Variants in PRR16 observed in about 807,000 individuals in gnomAD.
PRR16 encodes the protein proline rich 16, also known as protein Largen.
PRR16 carries 6 observed loss-of-function variants against 18.2 expected under a neutral mutation model. The observed-to-expected ratio is 0.33, with a 90% CI of 0.18 to 0.65. PRR16 has a LOEUF of 0.65. PRR16 is among the 30% of genes least tolerant of loss of function. PRR16 has a pLI of 0.74. For synonymous variants in PRR16, 151 were observed against 147.8 expected (o/e 1.02, Z -0.16); for missense variants, 412 against 376.6 (o/e 1.09, Z -0.78).
At chr5:120,567,687 C>T (rs548220053) in intron 1 of PRR16, among the ~76,000 whole-genome samples, 1 of 152,096 alleles carries the variant, frequency 6.6e-6, no homozygotes, top group East Asian at 1.9e-4. Flanking sequence ...TGTAGTACTT[C>T]CCCCTTCACT....
At chr5:120,614,897 T>C (rs1360194398) in intron 1 of PRR16, among the ~76,000 whole-genome samples, 3 of 152,186 alleles carry the variant, frequency 2.0e-5, no homozygotes, top group Non-Finnish European at 4.4e-5. Flanking sequence ...CAGCTTGCTC[T>C]GCTGCTGTAT....
At chr5:120,622,311 A>C (rs570787285) in intron 1 of PRR16, among the ~76,000 whole-genome samples, 118 of 152,042 alleles carry the variant, frequency 7.8e-4, no homozygotes, top group Non-Finnish European at 1.4e-3. Flanking sequence ...CTTGTTTTCT[A>C]TCTTTAGAAA....
chr5:120,503,795 C>A (rs1580658341), intron 1 of PRR16, among the ~76,000 whole-genome samples: 1 of 148,944 alleles, frequency 6.7e-6, no homozygotes, highest in South Asian at 2.2e-4. Flanking sequence ...CCCGCTCCCC[C>A]CACCCCACAA....
the PRR16 span, among the ~76,000 whole-genome samples, chr5:120,748,972 A>G: frequency 6.6e-6 from 1 of 152,228 alleles, no homozygotes; most frequent in Admixed American, 6.5e-5. Context: ...ACTTTAAACA[A>G]TTTTACTCCT....
At position 120,661,538 on chromosome 5, in the gene PRR16, A is replaced by G. The variant is rs144403489; in HGVS notation, c.160-24416A>G. On this transcript the variant is annotated intron_variant, in intron 1 of 1. Transcript: ENST00000407149. ...TTTCTGTTCTGTAATAATGGAGTCA[A>G]TATGGAACTAATCCTAAAAGTAGCA... Among the ~76,000 whole-genome samples, 63 of 152,226 alleles carry G rather than the reference A, an allele frequency of 4.1e-4. No individual in the cohort carries two copies. The East Asian group carries it at 0.012, about 29-fold the overall frequency.
chr5:120,585,836 C>T lies in PRR16; in HGVS notation c.160-100118C>T, dbSNP rs995317881. Among the ~76,000 whole-genome samples the T allele has an allele frequency of 2.6e-5, 4 of 151,788 alleles. 1 individual carries two copies. The highest frequency in any genetic ancestry group is 4.2e-4 in the South Asian group (2 of 4,796). ...GGTATTACCTTCATTTCCAGGATCC[C>T]TGTTATCTTGAAGTTTATTTACTAC... On this transcript the variant is annotated intron_variant, in intron 1 of 1. Transcript: ENST00000407149.
At position 120,522,215 on chromosome 5, in the gene PRR16, T is replaced by C. The variant is rs182934113; in HGVS notation, c.159+57570T>C. Among the ~76,000 whole-genome samples, 1,096 of 152,320 alleles carry C rather than the reference T, an allele frequency of 7.2e-3. 10 individuals carry two copies. Among genetic ancestry groups the C allele is most frequent in the Middle Eastern group, 0.027 (8 of 294 alleles). On this transcript the variant is annotated intron_variant, in intron 1 of 1. Coordinates refer to ENST00000407149, the MANE Select transcript of PRR16 (RefSeq NM_001300783.2). ...AATGAGATGGCTGAGTCAAATGGTA[T>C]TTCTAGTTCTAGATCCTTGAGGAAT... is the stretch of plus-strand genomic sequence containing the variant.
At position 120,686,562 on chromosome 5, in the gene PRR16, T is replaced by A; in HGVS notation, c.768T>A (p.His256Gln). The change falls in exon 2 of 2, where the codon CAT (histidine) becomes CAA (glutamine). Residue 256 changes from histidine to glutamine, a missense_variant. By Grantham distance (24) the His-to-Gln change is conservative. Coordinates refer to ENST00000407149, the MANE Select transcript of PRR16 (RefSeq NM_001300783.2). The stretch of plus-strand genomic sequence containing the variant: ...GCCCTCCCCTCCCTCCTACACCCCA[T>A]CTCCCTCCTTTCCCACTAGAAAATG... ...HQGPPLPPTP[H>Q]LPPFPLENGG... The A allele has an allele frequency of 6.2e-7, 1 of 1,613,076 alleles. No individual in the cohort carries two copies. Among genetic ancestry groups the A allele is most frequent in the Non-Finnish European group, 8.5e-7 (1 of 1,179,662 alleles).
the PRR16 span, among the ~76,000 whole-genome samples, chr5:120,693,397 C>T: frequency 1.3e-5 from 2 of 152,202 alleles, no homozygotes; most frequent in East Asian, 1.9e-4. Context: ...GCTACAATAA[C>T]ATAAACCCCA....
chr5:120,754,827 T>A, the PRR16 span, among the ~76,000 whole-genome samples: 1 of 150,734 alleles, frequency 6.6e-6, no homozygotes, highest in Non-Finnish European at 1.5e-5. Flanking sequence ...AAGAGCAAGG[T>A]CAAAAGATAT....
chr5:120,698,739 A>G, the PRR16 span, among the ~76,000 whole-genome samples: 3 of 152,090 alleles, frequency 2.0e-5, no homozygotes, highest in Non-Finnish European at 4.4e-5. Context: ...GAAAGTGGTA[A>G]AAGTATTGTC....
chr5:120,785,571 TG>T, the PRR16 span, among the ~76,000 whole-genome samples: 7 of 132,176 alleles, frequency 5.3e-5, no homozygotes, highest in African/African-American at 1.4e-4. Flanking sequence ...GTTTTGTTGT[TG>T]TTGTTTTTTT....
chr5:120,782,934 ATC>A, the PRR16 span, among the ~76,000 whole-genome samples: 1 of 152,124 alleles, frequency 6.6e-6, no homozygotes, highest in South Asian at 2.1e-4. Flanking sequence ...TTAAATTGTC[ATC>A]TCTCTAAGTT....
At chr5:120,603,869 A>G (rs1318342595) in intron 1 of PRR16, among the ~76,000 whole-genome samples, 1 of 151,752 alleles carries the variant, frequency 6.6e-6, no homozygotes, top group Non-Finnish European at 1.5e-5. Flanking sequence ...GTTTTGAGAG[A>G]TATTATTGTT....
chr5:120,584,529 A>G (rs972343187), intron 1 of PRR16, among the ~76,000 whole-genome samples: 3 of 152,200 alleles, frequency 2.0e-5, no homozygotes, highest in Admixed American at 6.5e-5. Flanking sequence ...TATGAATGCT[A>G]TTTGAAATTA....
At chr5:120,729,667 T>C in the PRR16 span, among the ~76,000 whole-genome samples, 1 of 152,134 alleles carries the variant, frequency 6.6e-6, no homozygotes, top group South Asian at 2.1e-4. Context: ...GAGTGAAATA[T>C]CCTCCCATAT....
chr5:120,668,987 G>C (rs1205042606), intron 1 of PRR16, among the ~76,000 whole-genome samples: 1 of 152,122 alleles, frequency 6.6e-6, no homozygotes, highest in Admixed American at 6.6e-5. Context: ...CCCTATGATA[G>C]CTTATTGTTT....
chr5:120,725,929 T>C, the PRR16 span, among the ~76,000 whole-genome samples: 15 of 152,228 alleles, frequency 9.9e-5, no homozygotes, highest in South Asian at 3.1e-3. Flanking sequence ...ACTTGCAGCA[T>C]ATTATTAATC....
chr5:120,481,233 T>C (rs1434915907), intron 1 of PRR16: 5 of 542,258 alleles, frequency 9.2e-6, no homozygotes, highest in Non-Finnish European at 1.6e-5. Flanking sequence ...CTGCAACCTC[T>C]GCCTCCCAGG....
Sources: allele counts gnomAD v4.1 joint callset (sites outside exome capture counted in the v4.1 genomes callset), GRCh38; gene constraint gnomAD v4.1.1; transcripts MANE v1.5; gene names NCBI Gene and HGNC (gene_info 2026-07-23, HGNC 2026-07-21).